The following MAP2 variants were observed in gnomAD, a reference collection of about 807,000 sequenced individuals.
MAP2 encodes the protein microtubule-associated protein 2.
Under a neutral mutation model 137.6 loss-of-function variants are expected in MAP2, and 14 were observed. That is an observed-to-expected ratio of 0.10 (90% CI 0.07 to 0.16). MAP2 has a LOEUF of 0.16. Ranked by LOEUF, MAP2 falls within the 10% of genes least tolerant of loss-of-function variation. The pLI is 1.00. For synonymous variants in MAP2, 786 were observed against 782.3 expected, an observed-to-expected ratio of 1.00 and a Z score of -0.08; for missense variants, 2,088 against 2,191.5, an observed-to-expected ratio of 0.95 and a Z score of 0.94.
chr2:209,456,135 G>T (rs1487511297), intron 1 of MAP2, among the ~76,000 whole-genome samples: 8 of 152,074 alleles, frequency 5.3e-5, no homozygotes, highest in Non-Finnish European at 8.8e-5. Context: ...TTTTTTAAAT[G>T]AACCTTATCA....
At chr2:209,581,551 A>G (rs921032890) in intron 3 of MAP2, among the ~76,000 whole-genome samples, 2 of 152,184 alleles carry the variant, frequency 1.3e-5, no homozygotes, top group Non-Finnish European at 2.9e-5. Context: ...CTCTCTTTTT[A>G]GATTTCACTC....
Position 209,625,144 on chromosome 2 carries a change from A to G in MAP2, c.-30+15A>G, listed in dbSNP as rs993078579. ...TCCTTGAATAGGTAAGACTCTCTCT[A>G]CTCTGAAAGAGTTACCTACAAGTGT... On this transcript the variant is annotated intron_variant, in intron 4 of 15. Coordinates refer to ENST00000682079, the MANE Select transcript of MAP2 (RefSeq NM_001375505.1). The G allele has an allele frequency of 5.3e-5, 8 of 152,130 alleles. No individual in the cohort carries two copies. The highest frequency in any genetic ancestry group is 7.3e-5 in the Non-Finnish European group (5 of 68,040). The allele number at this position is 152,130 out of a possible 1,614,324, so 9.4% of individuals were successfully genotyped here.
intron 1 of MAP2, among the ~76,000 whole-genome samples, chr2:209,451,112 G>C (rs116425727): frequency 0.039 from 5,929 of 152,102 alleles, 157 homozygotes; most frequent in Non-Finnish European, 0.059. Flanking sequence ...GAACAATTGA[G>C]TTATTTATCC....
intron 4 of MAP2, among the ~76,000 whole-genome samples, chr2:209,648,104 AT>A (rs200480350): frequency 0.052 from 7,418 of 141,678 alleles, 190 homozygotes; most frequent in African/African-American, 0.076. Context: ...AACGTCTTGG[AT>A]TTTTTTTTTT....
chr2:209,641,524 A>G (rs1307555684), intron 4 of MAP2, among the ~76,000 whole-genome samples: 1 of 151,382 alleles, frequency 6.6e-6, no homozygotes, highest in African/African-American at 2.4e-5. Flanking sequence ...TACTTATGAA[A>G]CTAACACTCT....
intron 3 of MAP2, among the ~76,000 whole-genome samples, chr2:209,585,903 G>A (rs1313143334): frequency 6.6e-6 from 1 of 152,142 alleles, no homozygotes; most frequent in Non-Finnish European, 1.5e-5. Context: ...CCTGCCATGT[G>A]CCAGCATCTG....
At chr2:209,657,334 T>A (rs2041424010) in intron 5 of MAP2, among the ~76,000 whole-genome samples, 1 of 152,220 alleles carries the variant, frequency 6.6e-6, no homozygotes, top group Non-Finnish European at 1.5e-5. Flanking sequence ...TATTTTCAGT[T>A]CTTTGAGAAA....
intron 1 of MAP2, among the ~76,000 whole-genome samples, chr2:209,505,457 A>G (rs2060916044): frequency 6.6e-6 from 1 of 152,084 alleles, no homozygotes; most frequent in Non-Finnish European, 1.5e-5. Flanking sequence ...TAATTTTTTT[A>G]TGGAAACAAG....
At chr2:209,722,498 T>C (rs2071569480) in intron 13 of MAP2, among the ~76,000 whole-genome samples, 1 of 152,168 alleles carries the variant, frequency 6.6e-6, no homozygotes, top group African/African-American at 2.4e-5. Context: ...AAGTGTCCCC[T>C]AAAGCATTGA....
intron 2 of MAP2, among the ~76,000 whole-genome samples, chr2:209,556,701 A>G (rs895748646): frequency 2.0e-5 from 3 of 151,880 alleles, no homozygotes; most frequent in Non-Finnish European, 4.4e-5. Context: ...AGTGAAAGAA[A>G]CAACCAAAAT....
intron 1 of MAP2, among the ~76,000 whole-genome samples, chr2:209,472,077 A>G (rs1439902499): frequency 6.6e-6 from 1 of 152,132 alleles, no homozygotes; most frequent in Non-Finnish European, 1.5e-5. Flanking sequence ...GTAACTATTG[A>G]TTTTTTTAAT....
intron 5 of MAP2, among the ~76,000 whole-genome samples, chr2:209,675,562 G>A (rs2050966288): frequency 6.6e-6 from 1 of 151,688 alleles, no homozygotes; most frequent in African/African-American, 2.4e-5. Context: ...TTTATACAGT[G>A]TACCACAATG....
chr2:209,667,483 C>T (rs996378804), intron 5 of MAP2, among the ~76,000 whole-genome samples: 1 of 151,706 alleles, frequency 6.6e-6, no homozygotes, highest in African/African-American at 2.4e-5. Flanking sequence ...TTCTTAGAAC[C>T]GAGAATTGGT....
At chr2:209,523,439 G>C (rs2063567637) in intron 2 of MAP2, among the ~76,000 whole-genome samples, 2 of 152,054 alleles carry the variant, frequency 1.3e-5, no homozygotes, top group African/African-American at 4.8e-5. Context: ...CCAGCGCCCT[G>C]TGTGCCCTTC....
At chr2:209,504,737 G>A (rs932162907) in intron 1 of MAP2, among the ~76,000 whole-genome samples, 5 of 151,700 alleles carry the variant, frequency 3.3e-5, no homozygotes, top group African/African-American at 1.2e-4. Flanking sequence ...TCGCGTTGCT[G>A]TGCAAGCTAT....
At chr2:209,463,446 T>A (rs932186411) in intron 1 of MAP2, among the ~76,000 whole-genome samples, 1 of 152,162 alleles carries the variant, frequency 6.6e-6, no homozygotes, top group Admixed American at 6.5e-5. Flanking sequence ...GGCCTGAGAA[T>A]GTTTTTCTTC....
At chr2:209,554,104 A>G (rs2069901263) in intron 2 of MAP2, among the ~76,000 whole-genome samples, 1 of 152,222 alleles carries the variant, frequency 6.6e-6, no homozygotes. Context: ...AAGGCATGAC[A>G]GAAATATACA....
At chr2:209,523,344 C>T (rs1003528781) in intron 2 of MAP2, among the ~76,000 whole-genome samples, 7 of 152,236 alleles carry the variant, frequency 4.6e-5, no homozygotes, top group African/African-American at 1.2e-4. Flanking sequence ...GAACTTAGTG[C>T]GTTGCTTGAT....
chr2:209,461,045 G>A (rs558380717), intron 1 of MAP2, among the ~76,000 whole-genome samples: 20 of 151,930 alleles, frequency 1.3e-4, no homozygotes, highest in Non-Finnish European at 1.9e-4. Context: ...CACTGTGCCC[G>A]GCCAAAAAAT....
Sources: allele counts gnomAD v4.1 joint callset (sites outside exome capture counted in the v4.1 genomes callset), GRCh38; gene constraint gnomAD v4.1.1; transcripts MANE v1.5; gene names NCBI Gene and HGNC (gene_info 2026-07-23, HGNC 2026-07-21).